The following CSKMT variants were observed in gnomAD, a reference collection of about 807,000 sequenced individuals.
CSKMT encodes the protein citrate synthase lysine methyltransferase, also known as citrate synthase-lysine N-methyltransferase CSKMT, mitochondrial.
A neutral mutation model predicts 4.6 loss-of-function variants in CSKMT; 6 were observed. The ratio of observed to expected loss-of-function variants is 1.31; its 90% confidence interval spans 0.72 to 2.59. The LOEUF is 2.59. Among genes scored for constraint, CSKMT ranks in the 30% most tolerant of loss-of-function variants. The pLI is 0.00. For missense variants in CSKMT, 328 were observed against 298.0 expected (o/e 1.10, Z -0.74); for synonymous variants, 142 against 128.9 (o/e 1.10, Z -0.69).
intron 1 of CSKMT, 98 bp downstream of exon 1, chr11:62,665,430 T>C (rs772662294): frequency 1.3e-6 from 2 of 1,539,598 alleles, no homozygotes; most frequent in African/African-American, 2.7e-5. Context: ...ACCCTCCTTT[T>C]CTTGGCGGGG....
chr11:62,665,848 G>T lies in CSKMT; in HGVS notation c.-32G>T. 1 of 1,608,830 alleles carries T rather than the reference G, an allele frequency of 6.2e-7. No individual in the cohort carries two copies. ...GGAGTAGGGTGGACGCTTCACATAA[G>T]CTTCTCTGGTCGAACTTACCCGAAT... On this transcript the variant is annotated 5_prime_UTR_variant, in exon 2 of 3. Coordinates refer to ENST00000532971, the MANE Select transcript of CSKMT (RefSeq NM_001043229.2).
chr11:62,665,721 C>G lies in CSKMT; in HGVS notation c.-159C>G. ...GGCCGTTCCTACCATAGTCTGTGTC[C>G]GCGTTCTTTTTTCCGGGACTGCAGA... On this transcript the variant is annotated 5_prime_UTR_variant, in exon 2 of 3. Transcript: ENST00000532971. The G allele has an allele frequency of 6.8e-7, 1 of 1,463,402 alleles. No individual in the cohort carries two copies. The highest frequency in any genetic ancestry group is 9.0e-7 in the Non-Finnish European group (1 of 1,107,420). The allele number at this position is 1,463,402 out of a possible 1,614,324, so 90.7% of individuals were successfully genotyped here.
chr11:62,668,003 A>G lies in CSKMT; in HGVS notation c.*952A>G, dbSNP rs1295640201. 5.2e-6 allele frequency: 2 copies of G among 386,642 alleles called. No individual in the cohort carries two copies. Among genetic ancestry groups the G allele is most frequent in the Non-Finnish European group, 9.4e-6 (2 of 212,796 alleles). The allele number at this position is 386,642 out of a possible 1,614,324, so 24.0% of individuals were successfully genotyped here. A position where few individuals can be genotyped will look rare whatever the true frequency, so the allele number is the denominator to read the frequency against. On this transcript the variant is annotated 3_prime_UTR_variant, in exon 3 of 3. Coordinates refer to ENST00000532971, the MANE Select transcript of CSKMT (RefSeq NM_001043229.2). ...GGACTGCTTGAACCCTGGGAGGTCAAAGCTGCAATGGGCCATGATAAGCTG... is the reference window on the plus strand; with the variant it reads ...GGACTGCTTGAACCCTGGGAGGTCAGAGCTGCAATGGGCCATGATAAGCTG...
Position 62,667,863 on chromosome 11 carries a change from G to T in CSKMT, c.*812G>T. On this transcript the variant is annotated 3_prime_UTR_variant, in exon 3 of 3. Transcript: ENST00000532971. ...CACAGCACTTTGGGAGGCCAAGGTG[G>T]GCAGATTGCTTGAGCCCTGGCAATA... 1.4e-6 allele frequency: 1 copy of T among 722,930 alleles called. No individual in the cohort carries two copies. The highest frequency in any genetic ancestry group is 2.4e-6 in the Non-Finnish European group (1 of 424,980). 44.8% of individuals were successfully genotyped at this position (722,930 alleles called of 1,614,324 possible).
Position 62,666,441 on chromosome 11 carries a change from G to C in CSKMT, c.113G>C (p.Arg38Pro), listed in dbSNP as rs369330577. The change falls in exon 3 of 3, where the codon CGG (arginine) becomes CCG (proline). Residue 38 changes from arginine to proline, a missense_variant. Arg to Pro is a moderately radical substitution (Grantham distance 103). Transcript: ENST00000532971. ...SCLADRCLWD[R>P]LHAQPRLGTV... is the part of the protein sequence containing the mutation. ...CTGGCGGACCGCTGTCTCTGGGATC[G>C]GCTGCATGCCCAGCCTCGTTTGGGC... 3 of 1,612,874 alleles carry C rather than the reference G, an allele frequency of 1.9e-6. No individual in the cohort carries two copies. In the South Asian group the frequency reaches 3.3e-5, roughly 18 times the overall value.
At chr11:62,666,284 T>C (rs1565127113) in intron 2 of CSKMT, 112 bp from the exon 3 acceptor site, 3 of 1,114,094 alleles carry the variant, frequency 2.7e-6, no homozygotes, top group East Asian at 2.5e-5. Flanking sequence ...TACTCAACCC[T>C]GGGTCACAGA....
chr11:62,667,626 C>G lies in CSKMT; in HGVS notation c.*575C>G. ...AGAAGGGACAGTGGTTGGTGGCTTC[C>G]AGACATGCTGTGTCCTCAAGAATCC... On this transcript the variant is annotated 3_prime_UTR_variant, in exon 3 of 3. Transcript: ENST00000532971. The G allele has an allele frequency of 6.2e-7, 1 of 1,614,134 alleles. No homozygotes were observed. Among genetic ancestry groups the G allele is most frequent in the Non-Finnish European group, 8.5e-7 (1 of 1,180,040 alleles).
Position 62,665,851 on chromosome 11 carries a change from T to G in CSKMT, c.-29T>G, listed in dbSNP as rs748912165. 4 of 1,609,456 alleles carry G rather than the reference T, an allele frequency of 2.5e-6. No homozygotes were observed. The Admixed American group carries it at 5.0e-5, about 20-fold the overall frequency. ...GTAGGGTGGACGCTTCACATAAGCT[T>G]CTCTGGTCGAACTTACCCGAATCTC... On this transcript the variant is annotated 5_prime_UTR_variant, in exon 2 of 3. Coordinates refer to ENST00000532971, the MANE Select transcript of CSKMT (RefSeq NM_001043229.2).
At position 62,665,718 on chromosome 11, in the gene CSKMT, G is replaced by A. The variant is rs1458614096; in HGVS notation, c.-162G>A. 6.8e-7 allele frequency: 1 copy of A among 1,462,954 alleles called. No homozygotes were observed. The highest frequency in any genetic ancestry group is 1.4e-5 in the African/African-American group (1 of 70,920). The allele number at this position is 1,462,954 out of a possible 1,614,324, so 90.6% of individuals were successfully genotyped here. ...AAAGGCCGTTCCTACCATAGTCTGT[G>A]TCCGCGTTCTTTTTTCCGGGACTGC... On this transcript the variant is annotated 5_prime_UTR_variant, in exon 2 of 3. Transcript: ENST00000532971.
rs1281351799 is a variant in CSKMT at position 62,667,484 on chromosome 11, C to G, written c.*433C>G. 2 of 1,598,700 alleles carry G rather than the reference C, an allele frequency of 1.3e-6. No homozygotes were observed. The highest frequency in any genetic ancestry group is 1.7e-6 in the Non-Finnish European group (2 of 1,166,354). On this transcript the variant is annotated 3_prime_UTR_variant, in exon 3 of 3. Coordinates refer to ENST00000532971, the MANE Select transcript of CSKMT (RefSeq NM_001043229.2). Reference sequence around the variant, plus strand: ...GGATGGGTATAAGGAGCTTCATAAACCTGGATGAGATATTTGAGGGGGAGG... The same window carrying G: ...GGATGGGTATAAGGAGCTTCATAAAGCTGGATGAGATATTTGAGGGGGAGG...
chr11:62,666,246 G>C, intron 2 of CSKMT, 150 bp from the exon 3 acceptor site: 1 of 830,422 alleles, frequency 1.2e-6, no homozygotes, highest in Non-Finnish European at 2.0e-6. Context: ...TGAGGTGGAG[G>C]CTTCAGTGAG....
rs1251797706 is a variant in CSKMT at position 62,667,460 on chromosome 11, G to A, written c.*409G>A. ...CACCTGTAAAAGGAGATTGTAAGAGGATGGGTATAAGGAGCTTCATAAACC... is the reference window on the plus strand; with the variant it reads ...CACCTGTAAAAGGAGATTGTAAGAGAATGGGTATAAGGAGCTTCATAAACC... On this transcript the variant is annotated 3_prime_UTR_variant, in exon 3 of 3. Transcript: ENST00000532971. The A allele has an allele frequency of 6.6e-7, 1 of 1,518,170 alleles. No homozygotes were observed. The highest frequency in any genetic ancestry group is 9.1e-7 in the Non-Finnish European group (1 of 1,093,178). 94.0% of individuals were successfully genotyped at this position (1,518,170 alleles called of 1,614,324 possible).
chr11:62,665,560 C>T, intron 1 of CSKMT, 87 bp from the exon 2 acceptor site: 8 of 1,568,136 alleles, frequency 5.1e-6, no homozygotes, highest in Non-Finnish European at 6.9e-6. Context: ...TCCTCAAACG[C>T]CGGGACACCG....
Position 62,665,726 on chromosome 11 carries a change from T to C in CSKMT, c.-154T>C. The C allele has an allele frequency of 2.0e-6, 3 of 1,464,382 alleles. No individual in the cohort carries two copies. Among genetic ancestry groups the C allele is most frequent in the South Asian group, 2.7e-5 (2 of 73,540 alleles). The allele number at this position is 1,464,382 out of a possible 1,614,324, so 90.7% of individuals were successfully genotyped here. A position where few individuals can be genotyped will look rare whatever the true frequency, so the allele number is the denominator to read the frequency against. ...TTCCTACCATAGTCTGTGTCCGCGT[T>C]CTTTTTTCCGGGACTGCAGAGTTCG... On this transcript the variant is annotated 5_prime_UTR_variant, in exon 2 of 3. Coordinates refer to ENST00000532971, the MANE Select transcript of CSKMT (RefSeq NM_001043229.2).
intron 2 of CSKMT, 34 bp downstream of exon 2, chr11:62,665,980 G>A: frequency 6.3e-7 from 1 of 1,594,574 alleles, no homozygotes; most frequent in Non-Finnish European, 8.5e-7. Flanking sequence ...AGAGGGCAAG[G>A]TGGGGGCAGA....
chr11:62,667,659 A>AT lies in CSKMT; in HGVS notation c.*609dup. 6.2e-7 allele frequency: 1 copy of AT among 1,614,186 alleles called. No individual in the cohort carries two copies. Among genetic ancestry groups the AT allele is most frequent in the Non-Finnish European group, 8.5e-7 (1 of 1,180,034 alleles). ...CTGTGTCCTCAAGAATCCAACAAGCATCTTCTTCATCCTGGTCCTGCCCCC... is the reference window on the plus strand; with the variant it reads ...CTGTGTCCTCAAGAATCCAACAAGCATTCTTCTTCATCCTGGTCCTGCCCCC... On this transcript the variant is annotated 3_prime_UTR_variant, in exon 3 of 3. Coordinates refer to ENST00000532971, the MANE Select transcript of CSKMT (RefSeq NM_001043229.2).
chr11:62,666,823 A>G lies in CSKMT; in HGVS notation c.495A>G (p.Thr165=), dbSNP rs1412316710. The change falls in exon 3 of 3, where the codon ACA becomes ACG. Residue 165 remains threonine (T), a synonymous_variant. Coordinates refer to ENST00000532971, the MANE Select transcript of CSKMT (RefSeq NM_001043229.2). ...GSFQLLLDKG[T]WDAVARGGLP... is the part of the protein sequence containing the mutation. ...TCCAACTACTGCTGGACAAAGGCAC[A>G]TGGGATGCTGTTGCCCGGGGAGGTC... The G allele has an allele frequency of 1.9e-6, 3 of 1,614,214 alleles. No homozygotes were observed. The highest frequency in any genetic ancestry group is 2.5e-6 in the Non-Finnish European group (3 of 1,180,038).
chr11:62,665,847 A>C lies in CSKMT; in HGVS notation c.-33A>C, dbSNP rs775059235. The C allele has an allele frequency of 6.2e-7, 1 of 1,608,510 alleles. No homozygotes were observed. Among genetic ancestry groups the C allele is most frequent in the Non-Finnish European group, 8.5e-7 (1 of 1,176,136 alleles). On this transcript the variant is annotated 5_prime_UTR_variant, in exon 2 of 3. Coordinates refer to ENST00000532971, the MANE Select transcript of CSKMT (RefSeq NM_001043229.2). ...TGGAGTAGGGTGGACGCTTCACATA[A>C]GCTTCTCTGGTCGAACTTACCCGAA...
At position 62,666,576 on chromosome 11, in the gene CSKMT, G is replaced by A. The variant is rs760477963; in HGVS notation, c.248G>A (p.Gly83Asp). The A allele has an allele frequency of 4.3e-6, 7 of 1,614,056 alleles. No individual in the cohort carries two copies. In the Admixed American group the frequency reaches 6.7e-5, roughly 15 times the overall value. Reference protein sequence around the residue: ...AASPLRVLDVGCGTSSLCTGL... With the variant: ...AASPLRVLDVDCGTSSLCTGL... ...AGTCCTCTGCGAGTGCTGGATGTGGGCTGTGGGACTTCCAGCCTATGTACA... is the reference window on the plus strand; with the variant it reads ...AGTCCTCTGCGAGTGCTGGATGTGGACTGTGGGACTTCCAGCCTATGTACA... The change falls in exon 3 of 3, where the codon GGC becomes GAC. Residue 83 changes from glycine (G) to aspartate (D), a missense_variant. Transcript: ENST00000532971.
Sources: allele counts gnomAD v4.1 joint callset, GRCh38; gene constraint gnomAD v4.1.1; transcripts MANE v1.5; gene names NCBI Gene and HGNC (gene_info 2026-07-23, HGNC 2026-07-21).